SPRED1: variants seen among roughly 807,000 people sequenced by gnomAD.
SPRED1 encodes the protein sprouty related EVH1 domain containing 1, also known as sprouty-related, EVH1 domain-containing protein 1.
A neutral mutation model predicts 52.3 loss-of-function variants in SPRED1; 18 were observed. The ratio of observed to expected loss-of-function variants is 0.34; its 90% confidence interval spans 0.24 to 0.51. SPRED1 has a LOEUF of 0.51. Ranked by LOEUF, SPRED1 falls within the 20% of genes least tolerant of loss-of-function variation. The probability of loss-of-function intolerance (pLI) is 0.97; values close to 1 mark genes in which losing one functional copy is unlikely to be tolerated. For missense variants in SPRED1, 485 were observed against 551.0 expected, an observed-to-expected ratio of 0.88 and a Z score of 1.20; for synonymous variants, 155 against 179.7, an observed-to-expected ratio of 0.86 and a Z score of 1.10.
In SPRED1 at chr15:38,353,193, TATTTGAAGCTC is replaced by T. The variant is rs1458915483; in HGVS notation, c.*1534_*1544del. On this transcript the variant is annotated 3_prime_UTR_variant, in exon 7 of 7. Transcript: ENST00000299084. ...GTGATAAAAATTAAAATCACACTAC[TATTTGAAGCTC>T]ATTTTCTATGCAGGTTTTTAAACGT... 1 of 152,502 alleles carries T rather than the reference TATTTGAAGCTC, an allele frequency of 6.6e-6. No homozygotes were observed. The highest frequency in any genetic ancestry group is 2.4e-5 in the African/African-American group (1 of 41,452). 9.4% of individuals were successfully genotyped at this position (152,502 alleles called of 1,614,324 possible). A position where few individuals can be genotyped will look rare whatever the true frequency, so the allele number is the denominator to read the frequency against.
At chr15:38,300,188 G>A (rs1418923115) in intron 2 of SPRED1, among the ~76,000 whole-genome samples, 2 of 151,858 alleles carry the variant, frequency 1.3e-5, no homozygotes, top group African/African-American at 2.4e-5. Context: ...TTTAACCTTT[G>A]ATAATGTTAT....
chr15:38,306,562 T>G (rs943304585), intron 2 of SPRED1, among the ~76,000 whole-genome samples: 2 of 152,182 alleles, frequency 1.3e-5, no homozygotes, highest in Non-Finnish European at 2.9e-5. Flanking sequence ...ATTAATTACT[T>G]TCTGTACAAC....
At chr15:38,278,858 C>T (rs1894623436) in intron 1 of SPRED1, among the ~76,000 whole-genome samples, 3 of 108,458 alleles carry the variant, frequency 2.8e-5, no homozygotes, top group South Asian at 6.4e-4. Flanking sequence ...AATGAAGTCT[C>T]ACTCTGTCGC....
intron 2 of SPRED1, among the ~76,000 whole-genome samples, chr15:38,301,925 G>T (rs1178827675): frequency 6.6e-6 from 1 of 150,684 alleles, no homozygotes; most frequent in East Asian, 1.9e-4. Context: ...AGTCTACAGG[G>T]TTCCTCCCAG....
rs1221405249 is a variant in SPRED1, at chr15:38,351,375, G to C, written c.1046G>C (p.Arg349Thr). 1.2e-6 allele frequency: 2 copies of C among 1,613,942 alleles called. No individual in the cohort carries two copies. The highest frequency in any genetic ancestry group is 1.7e-6 in the Non-Finnish European group (2 of 1,179,974). The change falls in exon 7 of 7, where the codon AGG (arginine) becomes ACG (threonine). Residue 349 changes from arginine (R) to threonine (T), a missense_variant. Physicochemically the swap from Arg to Thr is moderately conservative, Grantham distance 71. Coordinates refer to ENST00000299084, the MANE Select transcript of SPRED1 (RefSeq NM_152594.3). The part of the protein sequence containing the change: ...QERFNHEENV[R>T]GKCQDAPDPI... ...AGGTTTAATCATGAAGAAAATGTTA[G>C]GGGAAAATGTCAGGATGCTCCAGAC...
intron 3 of SPRED1, among the ~76,000 whole-genome samples, chr15:38,323,214 AG>A (rs1895639545): frequency 6.6e-6 from 1 of 152,194 alleles, no homozygotes; most frequent in Admixed American, 6.5e-5. Flanking sequence ...GACCAGTCAC[AG>A]GCAAGAACAT....
At chr15:38,274,424 C>G (rs1414699589) in intron 1 of SPRED1, among the ~76,000 whole-genome samples, 1 of 152,178 alleles carries the variant, frequency 6.6e-6, no homozygotes, top group Non-Finnish European at 1.5e-5. Flanking sequence ...TGTGCATTAT[C>G]TCATGTGATT....
chr15:38,337,780 A>G (rs903203796), intron 4 of SPRED1, among the ~76,000 whole-genome samples: 1 of 151,886 alleles, frequency 6.6e-6, no homozygotes, highest in African/African-American at 2.4e-5. Flanking sequence ...AATTTAGTAA[A>G]AGATAATTCA....
chr15:38,253,368 T>G, intron 1 of SPRED1, 151 bp downstream of exon 1: 1 of 757,390 alleles, frequency 1.3e-6, no homozygotes, highest in South Asian at 1.5e-5. Flanking sequence ...CTTTAGCCAT[T>G]TTTAGTGGCA....
chr15:38,274,082 T>C (rs1165972339), intron 1 of SPRED1, among the ~76,000 whole-genome samples: 1 of 152,254 alleles, frequency 6.6e-6, no homozygotes, highest in Non-Finnish European at 1.5e-5. Context: ...CTCATATTGC[T>C]GTGTTTATTC....
At chr15:38,336,669 C>T (rs1595754845) in intron 4 of SPRED1, among the ~76,000 whole-genome samples, 2 of 151,568 alleles carry the variant, frequency 1.3e-5, no homozygotes, top group African/African-American at 4.8e-5. Context: ...CTAAGTGAAG[C>T]AACTCAGGAA....
At chr15:38,324,019 T>C (rs763377102) in intron 3 of SPRED1, among the ~76,000 whole-genome samples, 1 of 151,946 alleles carries the variant, frequency 6.6e-6, no homozygotes, top group Non-Finnish European at 1.5e-5. Flanking sequence ...GCTAGCATTA[T>C]TATCAGCTGC....
Position 38,299,698 on chromosome 15 carries a change from A to AT in SPRED1, c.207+160dup, listed in dbSNP as rs555093357. 1.5e-3 allele frequency: 1,170 copies of AT among 798,270 alleles called. 1 individual carries two copies. The highest frequency in any genetic ancestry group is 2.0e-3 in the Non-Finnish European group (984 of 497,778). The allele number at this position is 798,270 out of a possible 1,614,324, so 49.4% of individuals were successfully genotyped here. A position where few individuals can be genotyped will look rare whatever the true frequency, so the allele number is the denominator to read the frequency against. On this transcript the variant is annotated intron_variant, in intron 2 of 6. Coordinates refer to ENST00000299084, the MANE Select transcript of SPRED1 (RefSeq NM_152594.3). ...TGTGTTAAAGGCAGTGAAATACAACATTTTTTTTTCAAACTGAGACTGACA... is the reference window on the plus strand; with the variant it reads ...TGTGTTAAAGGCAGTGAAATACAACATTTTTTTTTTCAAACTGAGACTGACA...
intron 2 of SPRED1, among the ~76,000 whole-genome samples, chr15:38,311,469 A>G (rs1271611051): frequency 2.6e-5 from 4 of 152,084 alleles, no homozygotes; most frequent in Non-Finnish European, 5.9e-5. Flanking sequence ...ACTCCCTCAT[A>G]TTCTGTTTTC....
Position 38,353,291 on chromosome 15 carries a change from C to A in SPRED1, c.*1627C>A, listed in dbSNP as rs1366597180. On this transcript the variant is annotated 3_prime_UTR_variant, in exon 7 of 7. Transcript: ENST00000299084. ...GCTTGTGTTAGCTTTTTTCTTTTGC[C>A]CCAGATCAAACTGAACAATGTATAT... The A allele has an allele frequency of 6.6e-6, 1 of 151,824 alleles. No homozygotes were observed. The highest frequency in any genetic ancestry group is 1.5e-5 in the Non-Finnish European group (1 of 67,770). 9.4% of individuals were successfully genotyped at this position (151,824 alleles called of 1,614,324 possible).
Position 38,339,834 on chromosome 15 carries a change from G to A in SPRED1, c.521G>A (p.Arg174Lys). 1 of 1,613,926 alleles carries A rather than the reference G, an allele frequency of 6.2e-7. No homozygotes were observed. Among genetic ancestry groups the A allele is most frequent in the Non-Finnish European group, 8.5e-7 (1 of 1,179,920 alleles). ...GAGCCTTATAGAAGCTCAAATATAA[G>A]ACCTTCTCCCTTTGAAGATCTGAAT... ...TSEPYRSSNIRPSPFEDLNAR... is the reference protein window; with the variant it reads ...TSEPYRSSNIKPSPFEDLNAR... Residue 174 changes from arginine to lysine, a missense_variant, in exon 5 of 7, where the codon AGA becomes AAA. By Grantham distance (26) the Arg-to-Lys change is conservative (BLOSUM62 2). Coordinates refer to ENST00000299084, the MANE Select transcript of SPRED1 (RefSeq NM_152594.3).
At chr15:38,335,916 C>T (rs1172961752) in intron 4 of SPRED1, among the ~76,000 whole-genome samples, 1 of 151,808 alleles carries the variant, frequency 6.6e-6, no homozygotes, top group East Asian at 1.9e-4. Context: ...TAAAATGATT[C>T]TATATCAAAA....
At position 38,316,748 on chromosome 15, in the gene SPRED1, G is replaced by GGTTTTTTTTTTTT; in HGVS notation, c.208-5493_208-5492insGTTTTTTTTTTTT. 1.6e-3 allele frequency among the ~76,000 whole-genome samples: 67 copies of GGTTTTTTTTTTTT among 41,898 alleles called. 2 individuals carry two copies. The highest frequency in any genetic ancestry group is 3.3e-3 in the South Asian group (3 of 908). 27.5% of individuals were successfully genotyped at this position (41,898 alleles called of 152,430 possible). ...TCTAGTTTACAATTTTCCATTATAT[G>GGTTTTTTTTTTTT]TTTTTTTTTTTTTTTTTTTTTTTTG... is the stretch of plus-strand genomic sequence containing the variant. On this transcript the variant is annotated intron_variant, in intron 2 of 6. Transcript: ENST00000299084.
chr15:38,289,042 T>C (rs1275098425), intron 1 of SPRED1, among the ~76,000 whole-genome samples: 1 of 152,198 alleles, frequency 6.6e-6, no homozygotes, highest in Non-Finnish European at 1.5e-5. Flanking sequence ...CCTTAAACCT[T>C]AGGAATCAGG....
Sources: gnomAD v4.1 joint callset for allele counts (sites outside exome capture counted in the v4.1 genomes callset) on GRCh38, gnomAD v4.1.1 for gene constraint, MANE v1.5 for transcripts, NCBI Gene and HGNC (gene_info 2026-07-23, HGNC 2026-07-21) for gene names.